Variants in VEPH1 observed in about 807,000 individuals in gnomAD.
The protein encoded by VEPH1 is ventricular zone expressed PH domain containing 1.
A neutral mutation model predicts 85.2 loss-of-function variants in VEPH1; 80 were observed. The ratio of observed to expected loss-of-function variants is 0.94; its 90% CI spans 0.78 to 1.13. VEPH1 has a LOEUF of 1.13. VEPH1 is among the 50% of genes most tolerant of loss of function. The pLI is 0.00. For missense variants in VEPH1, 955 were observed against 980.5 expected (o/e 0.97, Z 0.35); for synonymous variants, 297 against 348.0 (o/e 0.85, Z 1.63).
chr3:157,378,018 A>G (rs1560010130), intron 7 of VEPH1, among the ~76,000 whole-genome samples: 1 of 152,082 alleles, frequency 6.6e-6, no homozygotes, highest in East Asian at 1.9e-4. Context: ...AGCACTGGCC[A>G]GGACATGGGC....
rs901142048 is a variant in VEPH1 at position 157,274,340 on chromosome 3, G to A, written c.2129-8678C>T. ...GAACAGGTGGTTTTAGAAATACCAT[G>A]TCCTAATGGCCTATATCAAAGTGTG... On this transcript the variant is annotated intron_variant, in intron 12 of 13. Coordinates refer to ENST00000362010, the MANE Select transcript of VEPH1 (RefSeq NM_001167912.2). 4.6e-5 allele frequency among the ~76,000 whole-genome samples: 7 copies of A among 152,284 alleles called. No individual in the cohort carries two copies. The East Asian group carries it at 1.2e-3, about 25-fold the overall frequency.
chr3:157,331,224 C>A (rs963967010), intron 9 of VEPH1, among the ~76,000 whole-genome samples: 5 of 152,192 alleles, frequency 3.3e-5, no homozygotes, highest in African/African-American at 1.2e-4. Flanking sequence ...GGACATTATT[C>A]CCACAGGCCA....
At chr3:157,359,036 G>A (rs778152484) in intron 9 of VEPH1, among the ~76,000 whole-genome samples, 1 of 152,128 alleles carries the variant, frequency 6.6e-6, no homozygotes, top group Non-Finnish European at 1.5e-5. Context: ...ATCAACTTGT[G>A]TGGGTCTATA....
chr3:157,371,424 G>T (rs1189782565), intron 7 of VEPH1, among the ~76,000 whole-genome samples: 1 of 152,202 alleles, frequency 6.6e-6, no homozygotes, highest in Non-Finnish European at 1.5e-5. Context: ...ACATGGGAGA[G>T]AATAAGACAC....
intron 11 of VEPH1, among the ~76,000 whole-genome samples, chr3:157,302,095 TTCC>T (rs113466559): frequency 0.13 from 19,330 of 152,080 alleles, 2,202 homozygotes; most frequent in African/African-American, 0.31. Context: ...TCAGCTTTGA[TTCC>T]TCATTTCCCC....
chr3:157,435,822 T>C (rs2109171086), intron 4 of VEPH1, among the ~76,000 whole-genome samples: 1 of 152,346 alleles, frequency 6.6e-6, no homozygotes, highest in South Asian at 2.1e-4. Flanking sequence ...TCTCTAAGTT[T>C]ACTTTTAAAA....
chr3:157,307,256 C>T (rs1719618983), intron 11 of VEPH1, among the ~76,000 whole-genome samples: 1 of 151,556 alleles, frequency 6.6e-6, no homozygotes, highest in African/African-American at 2.4e-5. Context: ...ACCTATTTTC[C>T]TTCCATCAAG....
Position 157,272,375 on chromosome 3 carries a change from TTTTCTTTCTTTCTTTC to T in VEPH1, c.2129-6729_2129-6714del, listed in dbSNP as rs758495924. ...CTCTCTCTTTCTTTCTTTCTCTTTCTTTTCTTTCTTTCTTTCTTTCTTTCTTTCTTTCTTTCTTTCT... is the reference window on the plus strand; with the variant it reads ...CTCTCTCTTTCTTTCTTTCTCTTTCTTTTCTTTCTTTCTTTCTTTCTTTCT... On this transcript the variant is annotated intron_variant, in intron 12 of 13. Transcript: ENST00000362010. Among the ~76,000 whole-genome samples, 244 of 95,028 alleles carry T rather than the reference TTTTCTTTCTTTCTTTC, an allele frequency of 2.6e-3. 2 individuals are homozygous for T. Among genetic ancestry groups the T allele is most frequent in the Middle Eastern group, 4.8e-3 (1 of 210 alleles). 62.3% of individuals were successfully genotyped at this position (95,028 alleles called of 152,430 possible).
chr3:157,315,167 G>A (rs981892671), intron 10 of VEPH1, among the ~76,000 whole-genome samples: 10 of 151,966 alleles, frequency 6.6e-5, no homozygotes, highest in African/African-American at 2.2e-4. Context: ...TAAGTGGTTT[G>A]TATGTACAAA....
intron 6 of VEPH1, among the ~76,000 whole-genome samples, chr3:157,389,765 A>G (rs1031861359): frequency 3.3e-5 from 5 of 152,178 alleles, no homozygotes; most frequent in Non-Finnish European, 5.9e-5. Flanking sequence ...AAAAGGAAAA[A>G]GATTTTCCAA....
At chr3:157,454,860 G>A (rs150011875) in intron 4 of VEPH1, among the ~76,000 whole-genome samples, 2 of 152,214 alleles carry the variant, frequency 1.3e-5, no homozygotes, top group African/African-American at 4.8e-5. Context: ...TGTGGTATCT[G>A]CATTAATTCG....
intron 9 of VEPH1, among the ~76,000 whole-genome samples, chr3:157,355,177 C>T (rs1160298886): frequency 1.3e-5 from 2 of 152,188 alleles, no homozygotes; most frequent in Non-Finnish European, 2.9e-5. Context: ...CTGACAGAAC[C>T]GTGTTCCTTT....
chr3:157,431,045 G>A (rs1010498523), intron 4 of VEPH1, among the ~76,000 whole-genome samples: 8 of 152,118 alleles, frequency 5.3e-5, no homozygotes, highest in South Asian at 2.1e-4. Context: ...TAATCCTCAC[G>A]TGTCAAGGGA....
intron 6 of VEPH1, among the ~76,000 whole-genome samples, chr3:157,404,514 T>C (rs1350169390): frequency 6.6e-6 from 1 of 152,130 alleles, no homozygotes; most frequent in African/African-American, 2.4e-5. Flanking sequence ...GTGCAAATCA[T>C]TTATTTGAAA....
intron 11 of VEPH1, among the ~76,000 whole-genome samples, chr3:157,287,319 G>A (rs1294845900): frequency 6.6e-6 from 1 of 151,930 alleles, no homozygotes; most frequent in African/African-American, 2.4e-5. Flanking sequence ...AGGTTGCAGT[G>A]AGGCAAGATT....
intron 9 of VEPH1, among the ~76,000 whole-genome samples, chr3:157,330,562 G>A (rs564304461): frequency 1.3e-5 from 2 of 152,310 alleles, no homozygotes; most frequent in South Asian, 4.1e-4. Context: ...GGACTTCTGG[G>A]TTGATAGAAG....
rs1728730181 is a variant in VEPH1 at position 157,381,265 on chromosome 3, A to G, written c.1018T>C (p.Ser340Pro). 1.2e-6 allele frequency: 2 copies of G among 1,613,950 alleles called. No individual in the cohort carries two copies. The highest frequency in any genetic ancestry group is 2.7e-5 in the African/African-American group (2 of 74,882). Reference sequence around the variant, plus strand: ...TCTCTGCTCTGAGGGCCCAAGATTGAGGAGAAGGTGTCGGTGATGCTTTTA... The same window carrying G: ...TCTCTGCTCTGAGGGCCCAAGATTGGGGAGAAGGTGTCGGTGATGCTTTTA... Reference protein sequence around the residue: ...EIKSITDTFSSILGPQSRDIF... With the variant: ...EIKSITDTFSPILGPQSRDIF... Residue 340 changes from serine (S) to proline (P), a missense_variant, in exon 7 of 14, where the codon TCA (serine) becomes CCA (proline). Physicochemically the swap from Ser to Pro is moderately conservative, Grantham distance 74. Transcript: ENST00000362010.
chr3:157,313,680 C>G lies in VEPH1; in HGVS notation c.1951G>C (p.Ala651Pro). ...FLRALWEKTQAGGAHSFETAM... is the reference protein window; with the variant it reads ...FLRALWEKTQPGGAHSFETAM... ...GTTTCAAAGCTGTGAGCACCCCCTG[C>G]CTGGGTCTTCTCCCACAGAGCTCTG... Residue 651 changes from alanine (A) to proline (P), a missense_variant, in exon 11 of 14, where the codon GCA (alanine) becomes CCA (proline). Transcript: ENST00000362010. 6.2e-7 allele frequency: 1 copy of G among 1,614,130 alleles called. No individual in the cohort carries two copies.
intron 12 of VEPH1, among the ~76,000 whole-genome samples, chr3:157,277,072 G>A (rs1022871238): frequency 2.0e-5 from 3 of 151,972 alleles, no homozygotes; most frequent in Non-Finnish European, 2.9e-5. Context: ...TGTATTTTTC[G>A]TAGATATGGG....
Sources: allele counts gnomAD v4.1 joint callset (sites outside exome capture counted in the v4.1 genomes callset), GRCh38; gene constraint gnomAD v4.1.1; transcripts MANE v1.5; gene names NCBI Gene and HGNC (gene_info 2026-07-23, HGNC 2026-07-21).